The following GSK3B variants were observed in gnomAD, a reference collection of about 807,000 sequenced individuals.
The protein encoded by GSK3B is glycogen synthase kinase-3 beta.
Under a neutral mutation model 56.4 loss-of-function variants are expected in GSK3B, and 15 were observed. The observed-to-expected ratio is 0.27, with a 90% confidence interval of 0.18 to 0.41. GSK3B has a LOEUF of 0.41. Among genes scored for constraint, GSK3B ranks in the 10% least tolerant of loss-of-function variants. The pLI is 1.00. For synonymous variants in GSK3B, 181 were observed against 188.9 expected (o/e 0.96, Z 0.34); for missense variants, 300 against 513.4 (o/e 0.58, Z 4.02).
intron 1 of GSK3B, among the ~76,000 whole-genome samples, chr3:120,078,980 G>A (rs1302431092): frequency 7.5e-6 from 1 of 133,502 alleles, no homozygotes; most frequent in Non-Finnish European, 1.6e-5. Flanking sequence ...TCGCTGTCTC[G>A]CCCAGGCTGG....
intron 3 of GSK3B, among the ~76,000 whole-genome samples, chr3:119,928,218 A>T (rs1243713920): frequency 1.3e-5 from 2 of 152,184 alleles, no homozygotes; most frequent in Admixed American, 6.5e-5. Context: ...TCAAAGAAAC[A>T]TTGTTGCTGG....
intron 8 of GSK3B, among the ~76,000 whole-genome samples, chr3:119,867,709 A>G (rs2108039403): frequency 6.6e-6 from 1 of 152,228 alleles, no homozygotes; most frequent in South Asian, 2.1e-4. Context: ...AAATGGCAGA[A>G]CTCACCAGTA....
chr3:120,072,156 T>C (rs2107565259), intron 1 of GSK3B, among the ~76,000 whole-genome samples: 1 of 152,346 alleles, frequency 6.6e-6, no homozygotes, highest in African/African-American at 2.4e-5. Context: ...AGGATTTCAC[T>C]GTAAACTGAC....
intron 2 of GSK3B, among the ~76,000 whole-genome samples, chr3:119,957,390 A>G (rs981774136): frequency 6.6e-6 from 1 of 152,220 alleles, no homozygotes; most frequent in Admixed American, 6.5e-5. Context: ...AAACAACACA[A>G]AGGATGCCTG....
intron 2 of GSK3B, among the ~76,000 whole-genome samples, chr3:119,958,858 G>A (rs1364627893): frequency 6.6e-6 from 1 of 151,952 alleles, no homozygotes; most frequent in Non-Finnish European, 1.5e-5. Flanking sequence ...AATTCAACTT[G>A]TCTCTTAGAC....
intron 1 of GSK3B, among the ~76,000 whole-genome samples, chr3:120,042,867 A>T (rs565810710): frequency 1.3e-5 from 2 of 152,268 alleles, no homozygotes; most frequent in East Asian, 3.9e-4. Flanking sequence ...CATGGACCAA[A>T]TGTCTTCCAA....
At chr3:119,984,638 AC>A (rs1394722246) in intron 2 of GSK3B, among the ~76,000 whole-genome samples, 1 of 152,228 alleles carries the variant, frequency 6.6e-6, no homozygotes, top group Admixed American at 6.5e-5. Flanking sequence ...ATTCCTGGAC[AC>A]ATACACCCTC....
At chr3:119,989,076 A>G (rs1012978658) in intron 2 of GSK3B, among the ~76,000 whole-genome samples, 3 of 152,042 alleles carry the variant, frequency 2.0e-5, no homozygotes, top group Non-Finnish European at 4.4e-5. Context: ...AAAGCCCTAT[A>G]AACTGAAAAC....
chr3:119,970,137 TTACTA>T (rs1390512689), intron 2 of GSK3B, among the ~76,000 whole-genome samples: 7 of 152,218 alleles, frequency 4.6e-5, no homozygotes, highest in African/African-American at 7.2e-5. Flanking sequence ...TTTATAAACT[TTACTA>T]TAGGTATGTA....
Position 119,826,565 on chromosome 3 carries a change from A to AC in GSK3B, c.*222dup. On this transcript the variant is annotated 3_prime_UTR_variant, in exon 11 of 11. Transcript: ENST00000264235. ...TTTCCCCCTCCCCACAACCCCTCCC[A>AC]CCCCCTGGATCTCCCTCAAAGTGAG... 8.6e-6 allele frequency: 3 copies of AC among 350,114 alleles called. No individual in the cohort carries two copies. The highest frequency in any genetic ancestry group is 2.1e-5 in the South Asian group (1 of 46,914). 21.7% of individuals were successfully genotyped at this position (350,114 alleles called of 1,614,324 possible). A position where few individuals can be genotyped will look rare whatever the true frequency, so the allele number is the denominator to read the frequency against.
chr3:120,066,780 T>TA (rs1305875102), intron 1 of GSK3B, among the ~76,000 whole-genome samples: 1 of 152,200 alleles, frequency 6.6e-6, no homozygotes, highest in Non-Finnish European at 1.5e-5. Flanking sequence ...TCTGCCACTG[T>TA]ATGTGAAAAT....
At chr3:120,020,304 G>GCTTTA (rs2057865182) in intron 1 of GSK3B, among the ~76,000 whole-genome samples, 1 of 151,984 alleles carries the variant, frequency 6.6e-6, no homozygotes, top group African/African-American at 2.4e-5. Context: ...ATATAATAAG[G>GCTTTA]AACATGCCTA....
At chr3:120,077,931 AT>A (rs559570429) in intron 1 of GSK3B, among the ~76,000 whole-genome samples, 13 of 152,116 alleles carry the variant, frequency 8.5e-5, no homozygotes, top group South Asian at 6.2e-4. Context: ...AATTAAAAAA[AT>A]ATATTTTTTT....
intron 7 of GSK3B, among the ~76,000 whole-genome samples, chr3:119,896,529 A>C (rs1380715453): frequency 6.6e-6 from 1 of 151,772 alleles, no homozygotes; most frequent in Non-Finnish European, 1.5e-5. Context: ...TTTCCTTCAT[A>C]CTGTCTTAAT....
intron 3 of GSK3B, among the ~76,000 whole-genome samples, chr3:119,938,672 C>A (rs62264734): frequency 0.24 from 36,793 of 151,848 alleles, 4,907 homozygotes; most frequent in East Asian, 0.49. Context: ...GAATTCTATA[C>A]AATTATATAT....
intron 1 of GSK3B, among the ~76,000 whole-genome samples, chr3:120,062,985 A>T (rs954512363): frequency 6.6e-6 from 1 of 152,212 alleles, no homozygotes; most frequent in African/African-American, 2.4e-5. Flanking sequence ...GACACAGAAA[A>T]AAAGGCCCAA....
intron 6 of GSK3B, among the ~76,000 whole-genome samples, chr3:119,907,842 C>A (rs142898023): frequency 6.6e-6 from 1 of 152,260 alleles, no homozygotes; most frequent in African/African-American, 2.4e-5. Flanking sequence ...AATCAAAACA[C>A]CACTCTCTTG....
At chr3:119,964,577 G>C (rs2057302509) in intron 2 of GSK3B, among the ~76,000 whole-genome samples, 1 of 152,140 alleles carries the variant, frequency 6.6e-6, no homozygotes. Flanking sequence ...GTAGACAATA[G>C]AATGGTGGTT....
At position 120,004,312 on chromosome 3, in the gene GSK3B, C is replaced by G. The variant is rs575242226; in HGVS notation, c.89-2073G>C. Among the ~76,000 whole-genome samples the G allele has an allele frequency of 7.2e-5, 11 of 152,358 alleles. No homozygotes were observed. The East Asian group carries it at 1.9e-3, about 27-fold the overall frequency. ...CACAGCTGAGCAAGGCCTACTGCCT[C>G]TCTAGATTCCACCTCTGGGGGCAGG... On this transcript the variant is annotated intron_variant, in intron 1 of 10. Coordinates refer to ENST00000264235, the MANE Select transcript of GSK3B (RefSeq NM_001146156.2).
Sources: allele counts gnomAD v4.1 joint callset (sites outside exome capture counted in the v4.1 genomes callset), GRCh38; gene constraint gnomAD v4.1.1; transcripts MANE v1.5; gene names NCBI Gene and HGNC (gene_info 2026-07-23, HGNC 2026-07-21).